COL5A2: variants seen among roughly 807,000 people sequenced by gnomAD.
COL5A2 encodes collagen type V alpha 2 chain, also known as collagen alpha-2(V) chain.
COL5A2 carries 23 observed loss-of-function variants against 208.2 expected under a neutral mutation model. The observed-to-expected ratio is 0.11, with a 90% confidence interval of 0.08 to 0.16. The LOEUF (loss-of-function observed/expected upper bound fraction) is 0.16, where lower values mean the gene tolerates loss of function less well. Among genes scored for constraint, COL5A2 ranks in the 10% least tolerant of loss-of-function variants. The pLI, the probability that COL5A2 is intolerant of heterozygous loss-of-function variation, is 1.00. For synonymous variants in COL5A2, 625 were observed against 628.5 expected, an observed-to-expected ratio of 0.99 and a Z score of 0.08; for missense variants, 1,590 against 1,956.4, an observed-to-expected ratio of 0.81 and a Z score of 3.53.
the COL5A2 span, among the ~76,000 whole-genome samples, chr2:189,290,912 T>G: frequency 2.0e-5 from 3 of 152,066 alleles, no homozygotes; most frequent in African/African-American, 7.2e-5. Context: ...TATCAGAAAT[T>G]TAAAAATTCT....
the COL5A2 span, among the ~76,000 whole-genome samples, chr2:189,412,382 T>A: frequency 6.6e-6 from 1 of 152,326 alleles, no homozygotes; most frequent in Non-Finnish European, 1.5e-5. Flanking sequence ...CCAAAGATCT[T>A]TTTGCATTTA....
chr2:189,216,870 A>C (rs1341280369), intron 1 of COL5A2, among the ~76,000 whole-genome samples: 2 of 152,158 alleles, frequency 1.3e-5, no homozygotes, highest in Non-Finnish European at 2.9e-5. Flanking sequence ...GTCTAATGAA[A>C]CCTAAATTTG....
At chr2:189,333,751 C>T in the COL5A2 span, among the ~76,000 whole-genome samples, 1 of 152,010 alleles carries the variant, frequency 6.6e-6, no homozygotes, top group South Asian at 2.1e-4. Flanking sequence ...ACCAATCTAT[C>T]AGTCAAGAAG....
At chr2:189,252,147 C>A in the COL5A2 span, among the ~76,000 whole-genome samples, 4 of 152,158 alleles carry the variant, frequency 2.6e-5, no homozygotes, top group Admixed American at 6.5e-5. Context: ...AATAGGAACA[C>A]TTTTACACTG....
At chr2:189,211,216 C>T (rs908039632) in intron 1 of COL5A2, among the ~76,000 whole-genome samples, 11 of 152,128 alleles carry the variant, frequency 7.2e-5, no homozygotes, top group Middle Eastern at 3.2e-3. Flanking sequence ...TAACACTGTT[C>T]GGTATCATTT....
intron 1 of COL5A2, among the ~76,000 whole-genome samples, chr2:189,160,593 A>G (rs1688340058): frequency 6.6e-6 from 1 of 152,184 alleles, no homozygotes; most frequent in Non-Finnish European, 1.5e-5. Context: ...TTTAATGCAC[A>G]GAGAAGGAAA....
chr2:189,300,235 T>C, the COL5A2 span, among the ~76,000 whole-genome samples: 17 of 152,148 alleles, frequency 1.1e-4, no homozygotes, highest in Admixed American at 1.1e-3. Flanking sequence ...GCAAGAAAAG[T>C]TGGGTGGACA....
At chr2:189,143,002 G>T (rs1687964982) in intron 1 of COL5A2, among the ~76,000 whole-genome samples, 1 of 152,086 alleles carries the variant, frequency 6.6e-6, no homozygotes, top group Non-Finnish European at 1.5e-5. Flanking sequence ...AGCCATGATT[G>T]TTCGATCTCT....
At chr2:189,169,506 T>G (rs1389662041) in intron 1 of COL5A2, among the ~76,000 whole-genome samples, 1 of 152,144 alleles carries the variant, frequency 6.6e-6, no homozygotes, top group East Asian at 1.9e-4. Context: ...TTTAAATGGG[T>G]TTTAAAAGCT....
chr2:189,198,889 G>A (rs1010093962), intron 1 of COL5A2, among the ~76,000 whole-genome samples: 5 of 152,104 alleles, frequency 3.3e-5, no homozygotes, highest in African/African-American at 1.2e-4. Context: ...GGAAGCAAGA[G>A]AAAGTTGATA....
At chr2:189,324,616 G>T in the COL5A2 span, among the ~76,000 whole-genome samples, 4 of 151,984 alleles carry the variant, frequency 2.6e-5, no homozygotes, top group Non-Finnish European at 5.9e-5. Context: ...CCACAAATGA[G>T]ATATCATCTC....
At chr2:189,306,007 A>G in the COL5A2 span, among the ~76,000 whole-genome samples, 1 of 152,100 alleles carries the variant, frequency 6.6e-6, no homozygotes, top group Non-Finnish European at 1.5e-5. Context: ...GGCCATTTCA[A>G]TTTTCTCTTG....
intron 9 of COL5A2, 42 bp downstream of exon 9, chr2:189,086,682 GTA>G: frequency 7.0e-7 from 1 of 1,438,838 alleles, no homozygotes; most frequent in Non-Finnish European, 9.6e-7. Flanking sequence ...ATGTGTGTGT[GTA>G]TGTTTTTCTT....
chr2:189,342,260 G>A, the COL5A2 span, among the ~76,000 whole-genome samples: 1 of 148,156 alleles, frequency 6.7e-6, no homozygotes, highest in Non-Finnish European at 1.5e-5. Context: ...TAGAACAAAT[G>A]ATGAACTGTT....
At chr2:189,440,799 G>A in the COL5A2 span, among the ~76,000 whole-genome samples, 3 of 152,164 alleles carry the variant, frequency 2.0e-5, no homozygotes, top group African/African-American at 7.2e-5. Context: ...AGAGACCAGC[G>A]CCCTGAAACC....
intron 1 of COL5A2, among the ~76,000 whole-genome samples, chr2:189,192,443 A>G (rs1336827970): frequency 2.0e-5 from 3 of 152,204 alleles, no homozygotes; most frequent in Non-Finnish European, 4.4e-5. Context: ...GGACGACCCC[A>G]TAGGTCCTTC....
chr2:189,050,486 T>TCAAG, intron 43 of COL5A2, 83 bp downstream of exon 43: 1 of 1,163,242 alleles, frequency 8.6e-7, no homozygotes, highest in South Asian at 1.3e-5. Flanking sequence ...AATCTATTCA[T>TCAAG]CAAGCAAAAA....
chr2:189,061,502 T>TAAA, intron 30 of COL5A2, 60 bp downstream of exon 30: 5 of 995,420 alleles, frequency 5.0e-6, no homozygotes, highest in Non-Finnish European at 5.9e-6. Context: ...TCTTTTTTTT[T>TAAA]AAAAAAAAAA....
At chr2:189,313,416 C>A in the COL5A2 span, among the ~76,000 whole-genome samples, 3 of 152,190 alleles carry the variant, frequency 2.0e-5, no homozygotes, top group African/African-American at 7.2e-5. Flanking sequence ...ACCTCCAAAA[C>A]TGCCTTACAA....
Sources: allele counts gnomAD v4.1 joint callset (sites outside exome capture counted in the v4.1 genomes callset), GRCh38; gene constraint gnomAD v4.1.1; transcripts MANE v1.5; gene names NCBI Gene and HGNC (gene_info 2026-07-23, HGNC 2026-07-21).